Variants in LAMP3 observed in about 807,000 individuals in gnomAD.
LAMP3 encodes lysosome associated membrane protein 3, also known as lysosome-associated membrane glycoprotein 3.
Under a neutral mutation model 34.8 loss-of-function variants are expected in LAMP3, and 26 were observed. The observed-to-expected ratio is 0.75, with a 90% CI of 0.55 to 1.04. The LOEUF is 1.04. Among genes scored for constraint, LAMP3 ranks in the 50% least tolerant of loss-of-function variants. LAMP3 has a pLI of 0.00. For synonymous variants in LAMP3, 180 were observed against 201.9 expected, an observed-to-expected ratio of 0.89 and a Z score of 0.92; for missense variants, 495 against 524.0, an observed-to-expected ratio of 0.94 and a Z score of 0.54.
intron 2 of LAMP3, 84 bp from the exon 3 acceptor site, chr3:183,152,587 G>T: frequency 7.8e-7 from 1 of 1,288,736 alleles, no homozygotes; most frequent in Non-Finnish European, 1.1e-6. Context: ...TAGTTTGTGA[G>T]CCTGAAACTT....
rs34762350 is a variant in LAMP3, at chr3:183,154,301, T to A, written c.140A>T (p.Asp47Val). 6.2e-7 allele frequency: 1 copy of A among 1,614,042 alleles called. No individual in the cohort carries two copies. Among genetic ancestry groups the A allele is most frequent in the African/African-American group, 1.3e-5 (1 of 74,920 alleles). Reference protein sequence around the residue: ...SQPTAAATVQDIKKPVQQPAK... With the variant: ...SQPTAAATVQVIKKPVQQPAK... ...TGGTTGCTGGACAGGTTTTTTTATG[T>A]CCTGTACTGTTGCTGCTGCAGTAGG... is the stretch of plus-strand genomic sequence containing the variant. Residue 47 changes from aspartate (D) to valine (V), a missense_variant, in exon 2 of 6, where the codon GAC becomes GTC. Physicochemically the swap from Asp to Val is radical, Grantham distance 152. Transcript: ENST00000265598.
At chr3:183,142,455 G>C (rs1472960005) in intron 3 of LAMP3, among the ~76,000 whole-genome samples, 1 of 152,072 alleles carries the variant, frequency 6.6e-6, no homozygotes, top group Non-Finnish European at 1.5e-5. Context: ...GCATTTCTGT[G>C]AGAGTTTCAG....
intron 1 of LAMP3, chr3:183,161,774 AT>A (rs1046815633): frequency 6.0e-6 from 1 of 166,086 alleles, no homozygotes; most frequent in African/African-American, 2.4e-5. Flanking sequence ...CTAGGCTGAG[AT>A]TGTTTTGCTT....
At position 183,162,545 on chromosome 3, in the gene LAMP3, C is replaced by T. The variant is rs3811728; in HGVS notation, c.49+62G>A. 159 of 1,489,794 alleles carry T rather than the reference C, an allele frequency of 1.1e-4. No individual in the cohort carries two copies. In the East Asian group the frequency reaches 3.6e-3, roughly 34 times the overall value. 92.3% of individuals were successfully genotyped at this position (1,489,794 alleles called of 1,614,324 possible). Reference sequence around the variant, plus strand: ...CTGTGGCGCCCGGGACTCCAGAGTGCGTTTAGATGAAAGGGGACCGACACG... The same window carrying T: ...CTGTGGCGCCCGGGACTCCAGAGTGTGTTTAGATGAAAGGGGACCGACACG... On this transcript the variant is annotated intron_variant, in intron 1 of 5. Transcript: ENST00000265598.
rs547082898 is a variant in LAMP3 at position 183,124,071 on chromosome 3, C to G, written c.*10G>C. The G allele has an allele frequency of 3.7e-6, 6 of 1,613,728 alleles. No individual in the cohort carries two copies. The highest frequency in any genetic ancestry group is 1.6e-4 in the Middle Eastern group (1 of 6,082). On this transcript the variant is annotated 3_prime_UTR_variant, in exon 6 of 6. Coordinates refer to ENST00000265598, the MANE Select transcript of LAMP3 (RefSeq NM_014398.4). ...TAAATTCCATTATTTTCATTCCCCC[C>G]GGGCAACAATTAGATTCTCTGGTAT...
intron 3 of LAMP3, among the ~76,000 whole-genome samples, chr3:183,150,166 T>C (rs749480531): frequency 2.6e-5 from 4 of 152,180 alleles, no homozygotes; most frequent in Non-Finnish European, 4.4e-5. Flanking sequence ...CTGATGCTTC[T>C]GGCTCTTTCT....
At chr3:183,148,378 G>A (rs1720510240) in intron 3 of LAMP3, among the ~76,000 whole-genome samples, 1 of 152,136 alleles carries the variant, frequency 6.6e-6, no homozygotes, top group Admixed American at 6.6e-5. Flanking sequence ...AAAGTGAAGA[G>A]ACAACCCACA....
At chr3:183,138,726 G>A (rs147105199) in intron 4 of LAMP3, among the ~76,000 whole-genome samples, 5 of 152,138 alleles carry the variant, frequency 3.3e-5, no homozygotes, top group African/African-American at 4.8e-5. Context: ...TAGACCCCTC[G>A]GTGGCATCCT....
upstream of LAMP3, chr3:183,163,482 G>C (rs1231782646): frequency 1.3e-5 from 2 of 151,328 alleles, no homozygotes; most frequent in East Asian, 3.9e-4. Flanking sequence ...TAGAGACGGG[G>C]TTTCACCCTG....
intron 4 of LAMP3, 128 bp downstream of exon 4, chr3:183,140,410 C>CAAAAAAAAAAAAA (rs58229572): frequency 5.6e-6 from 1 of 177,184 alleles, no homozygotes; most frequent in African/African-American, 7.6e-5. Flanking sequence ...GACTCCATCT[C>CAAAAAAAAAAAAA]AAAAAAAAAA....
Position 183,127,474 on chromosome 3 carries a change from G to GT in LAMP3, c.1118-3261dup, listed in dbSNP as rs926525685. ...TGTCACTGTTTTTAACATTGTCTATGTTTTTTTTTTCTTTTTTAAAAAGTA... is the reference window on the plus strand; with the variant it reads ...TGTCACTGTTTTTAACATTGTCTATGTTTTTTTTTTTCTTTTTTAAAAAGTA... On this transcript the variant is annotated intron_variant, in intron 5 of 5. Coordinates refer to ENST00000265598, the MANE Select transcript of LAMP3 (RefSeq NM_014398.4). Among the ~76,000 whole-genome samples the GT allele has an allele frequency of 9.0e-4, 134 of 148,110 alleles. No individual in the cohort carries two copies. The South Asian group carries it at 0.018, about 20-fold the overall frequency.
chr3:183,124,746 T>C (rs1025351695), intron 5 of LAMP3, among the ~76,000 whole-genome samples: 6 of 151,992 alleles, frequency 3.9e-5, no homozygotes, highest in Admixed American at 6.6e-5. Context: ...GCAGGAGAAT[T>C]GCTTGAACCC....
At chr3:183,162,005 C>T (rs937034579) in intron 1 of LAMP3, 1 of 984,874 alleles carries the variant, frequency 1.0e-6, no homozygotes, top group Non-Finnish European at 1.2e-6. Flanking sequence ...GCGGTAGGGA[C>T]GGAGACAGTT....
At chr3:183,127,874 G>A (rs1719819090) in intron 5 of LAMP3, among the ~76,000 whole-genome samples, 1 of 152,134 alleles carries the variant, frequency 6.6e-6, no homozygotes, top group Non-Finnish European at 1.5e-5. Flanking sequence ...GCTCACGCCT[G>A]TAATCCCAGC....
At chr3:183,154,856 C>T (rs1720779511) in intron 1 of LAMP3, among the ~76,000 whole-genome samples, 1 of 152,182 alleles carries the variant, frequency 6.6e-6, no homozygotes, top group Admixed American at 6.5e-5. Flanking sequence ...ACAGTTTTCA[C>T]AGAATCATAT....
rs1720105334 is a variant in LAMP3, at chr3:183,136,673, A to AAAAC, written c.947-787_947-786insGTTT. Among the ~76,000 whole-genome samples, 5 of 147,092 alleles carry AAAAC rather than the reference A, an allele frequency of 3.4e-5. 1 individual carries two copies. Among genetic ancestry groups the AAAAC allele is most frequent in the Admixed American group, 6.8e-5 (1 of 14,752 alleles). On this transcript the variant is annotated intron_variant, in intron 4 of 5. Transcript: ENST00000265598. ...TTTCAGAAAAAAAAAAAAAAAAACA[A>AAAAC]CTCATTAGGAGGGGTTGTTGCATCC... is the stretch of plus-strand genomic sequence containing the variant.
chr3:183,132,200 A>G, intron 5 of LAMP3: 1 of 985,368 alleles, frequency 1.0e-6, no homozygotes, highest in Non-Finnish European at 1.2e-6. Flanking sequence ...ATGATCTTTG[A>G]TATGTGCTTT....
chr3:183,132,177 C>T (rs1372213451), intron 5 of LAMP3: 5 of 985,352 alleles, frequency 5.1e-6, no homozygotes, highest in African/African-American at 1.7e-5. Flanking sequence ...TATTGAGCCC[C>T]TCCTTTTTTG....
intron 5 of LAMP3, among the ~76,000 whole-genome samples, chr3:183,131,411 AG>A (rs2108596254): frequency 6.6e-6 from 1 of 152,296 alleles, no homozygotes; most frequent in South Asian, 2.1e-4. Context: ...AGCAGGTGCC[AG>A]TTTGAAGGAG....
Sources: allele counts gnomAD v4.1 joint callset (sites outside exome capture counted in the v4.1 genomes callset), GRCh38; gene constraint gnomAD v4.1.1; transcripts MANE v1.5; gene names NCBI Gene and HGNC (gene_info 2026-07-23, HGNC 2026-07-21).